CUZD1: variants seen among roughly 807,000 people sequenced by gnomAD.
CUZD1 encodes CUB and zona pellucida-like domain-containing protein 1.
In CUZD1, 42 loss-of-function variants were observed where a neutral mutation model predicts 53.1. That is an observed-to-expected ratio of 0.79 (90% confidence interval 0.62 to 1.02). CUZD1 has a LOEUF of 1.02. Ranked by LOEUF, CUZD1 falls within the 50% of genes least tolerant of loss-of-function variation. The probability of loss-of-function intolerance (pLI) is 0.00; values close to 1 mark genes in which losing one functional copy is unlikely to be tolerated. For missense variants in CUZD1, 670 were observed against 715.7 expected, an observed-to-expected ratio of 0.94 and a Z score of 0.73; for synonymous variants, 238 against 257.2, an observed-to-expected ratio of 0.93 and a Z score of 0.71.
In CUZD1 at chr10:122,832,185, C is replaced by T. The variant is rs1847171894; in HGVS notation, c.*93G>A. 2.3e-6 allele frequency: 3 copies of T among 1,311,888 alleles called. No homozygotes were observed. Among genetic ancestry groups the T allele is most frequent in the Non-Finnish European group, 3.2e-6 (3 of 929,532 alleles). The allele number at this position is 1,311,888 out of a possible 1,614,324, so 81.3% of individuals were successfully genotyped here. On this transcript the variant is annotated 3_prime_UTR_variant, in exon 9 of 9. Transcript: ENST00000392790. ...CAGGCCTGTGTGTCACTTTCAGGCC[C>T]TTCCTCATTTATTCATAATATGTGT...
chr10:122,841,494 C>G (rs981511975), intron 1 of CUZD1, among the ~76,000 whole-genome samples, 166 bp from the exon 2 acceptor site: 1 of 152,202 alleles, frequency 6.6e-6, no homozygotes, highest in African/African-American at 2.4e-5. Context: ...ATTTCTCCGT[C>G]TTGAACCCTT....
chr10:122,842,320 G>T (rs887066734), intron 1 of CUZD1, among the ~76,000 whole-genome samples: 1 of 152,254 alleles, frequency 6.6e-6, no homozygotes, highest in Non-Finnish European at 1.5e-5. Flanking sequence ...CTTAGGTTGA[G>T]TTCATTTTTT....
intron 4 of CUZD1, 49 bp from the exon 5 acceptor site, chr10:122,837,097 T>G: frequency 7.5e-7 from 1 of 1,328,066 alleles, no homozygotes; most frequent in Non-Finnish European, 1.0e-6. Flanking sequence ...CCAATTCAAT[T>G]CTATTTTCTA....
chr10:122,834,420 G>A (rs1039423551), intron 7 of CUZD1, among the ~76,000 whole-genome samples: 1 of 151,932 alleles, frequency 6.6e-6, no homozygotes, highest in Non-Finnish European at 1.5e-5. Context: ...AAACCAAAAC[G>A]CAAATAGAGC....
In CUZD1 at chr10:122,832,275, TA is replaced by T; in HGVS notation, c.*2del. 6.2e-7 allele frequency: 1 copy of T among 1,613,826 alleles called. No individual in the cohort carries two copies. Among genetic ancestry groups the T allele is most frequent in the East Asian group, 2.2e-5 (1 of 44,870 alleles). On this transcript the variant is annotated 3_prime_UTR_variant, in exon 9 of 9. Coordinates refer to ENST00000392790, the MANE Select transcript of CUZD1 (RefSeq NM_022034.6). ...ATGTCTCACTTAGGGTTGGACCTGT[TA>T]GTTAATAGTTCTGCAGCTTCTGGTA...
intron 6 of CUZD1, among the ~76,000 whole-genome samples, chr10:122,835,562 G>A (rs1016234427): frequency 7.9e-5 from 12 of 152,092 alleles, no homozygotes; most frequent in Admixed American, 1.3e-4. Flanking sequence ...GGCAAGATAC[G>A]ATGATTTACT....
Position 122,833,841 on chromosome 10 carries a change from C to T in CUZD1, c.1482G>A (p.Val494=), listed in dbSNP as rs1347800360. 1 of 1,614,074 alleles carries T rather than the reference C, an allele frequency of 6.2e-7. No individual in the cohort carries two copies. The highest frequency in any genetic ancestry group is 1.3e-5 in the African/African-American group (1 of 75,034). ...AFKFLRSMSS[V]YLQCKVLICD... ...ATATCAAAACTTTACACTGCAGATA[C>T]ACAGAGCTCATACTTCTCAAGAATT... Residue 494 remains valine (V), a synonymous_variant, in exon 8 of 9, where the codon GTG becomes GTA. Coordinates refer to ENST00000392790, the MANE Select transcript of CUZD1 (RefSeq NM_022034.6).
rs1847430798 is a variant in CUZD1, at chr10:122,845,800, A to G, written c.44T>C (p.Leu15Pro). 1 of 1,613,982 alleles carries G rather than the reference A, an allele frequency of 6.2e-7. No homozygotes were observed. Among genetic ancestry groups the G allele is most frequent in the African/African-American group, 1.3e-5 (1 of 74,922 alleles). The change falls in exon 1 of 9, where the codon CTC becomes CCC. Residue 15 changes from leucine (L) to proline (P), a missense_variant. Coordinates refer to ENST00000392790, the MANE Select transcript of CUZD1 (RefSeq NM_022034.6). ...RRLMPLTLLI[L>P]SCLAELTMAE... ...CATTGTCAGCTCCGCCAAACAGGAG[A>G]GAATTAAGAGGGTCAATGGCATGAG...
chr10:122,843,810 CAT>C (rs61634361), intron 1 of CUZD1, among the ~76,000 whole-genome samples: 2,342 of 137,206 alleles, frequency 0.017, 42 homozygotes, highest in Non-Finnish European at 0.02. Flanking sequence ...TATATACATA[CAT>C]ATATATATAT....
chr10:122,833,073 A>G (rs1412799879), intron 8 of CUZD1, among the ~76,000 whole-genome samples: 1 of 152,206 alleles, frequency 6.6e-6, no homozygotes, highest in Non-Finnish European at 1.5e-5. Context: ...CTTTAATGCC[A>G]TTTACAACTA....
intron 4 of CUZD1, 144 bp downstream of exon 4, chr10:122,837,260 T>A: frequency 1.1e-6 from 1 of 888,524 alleles, no homozygotes; most frequent in African/African-American, 1.7e-5. Flanking sequence ...AATGGAATAG[T>A]ATCACTGTTT....
chr10:122,837,071 GAA>G (rs769231583), intron 4 of CUZD1, 23 bp from the exon 5 acceptor site: 8 of 1,503,448 alleles, frequency 5.3e-6, no homozygotes, highest in Non-Finnish European at 3.7e-6. Context: ...GGCCTCTGGT[GAA>G]AAAGAGTTTC....
At position 122,837,471 on chromosome 10, in the gene CUZD1, C is replaced by T; in HGVS notation, c.532G>A (p.Ala178Thr). 6.2e-7 allele frequency: 1 copy of T among 1,613,380 alleles called. No homozygotes were observed. The highest frequency in any genetic ancestry group is 2.2e-5 in the East Asian group (1 of 44,846). ...ACTTGTATGTGCCACACACAATAAG[C>T]CAGCTCAGGATGCGGCTTTGGGTAA... ...PNYPKPHPEL[A>T]YCVWHIQVEK... Residue 178 changes from alanine (A) to threonine (T), a missense_variant, in exon 4 of 9, where the codon GCT (alanine) becomes ACT (threonine). By Grantham distance (58) the Ala-to-Thr change is moderately conservative. Transcript: ENST00000392790.
Position 122,833,704 on chromosome 10 carries a change from A to G in CUZD1, c.1619T>C (p.Leu540Pro), listed in dbSNP as rs1847195190. ...KTDSIIGPIR[L>P]KRDRSASGNS... ...GCCACTTGCACTTCGATCCCTTTTC[A>G]GACGAATGGGTCCTATGATGGAATC... Residue 540 changes from leucine to proline, a missense_variant, in exon 8 of 9, where the codon CTG becomes CCG. Leu to Pro is a moderately conservative substitution (Grantham distance 98). Coordinates refer to ENST00000392790, the MANE Select transcript of CUZD1 (RefSeq NM_022034.6). 1.2e-6 allele frequency: 2 copies of G among 1,613,830 alleles called. No individual in the cohort carries two copies. The highest frequency in any genetic ancestry group is 2.2e-5 in the East Asian group (1 of 44,870).
chr10:122,832,492 T>C, intron 8 of CUZD1, 42 bp from the exon 9 acceptor site: 1 of 1,588,972 alleles, frequency 6.3e-7, no homozygotes. Context: ...TTAAGAAGTG[T>C]TCACATTATA....
At chr10:122,839,678 T>C (rs1847306129) in intron 2 of CUZD1, among the ~76,000 whole-genome samples, 1 of 152,210 alleles carries the variant, frequency 6.6e-6, no homozygotes, top group Non-Finnish European at 1.5e-5. Context: ...CCTCCCTAGT[T>C]GCTCCTTCCT....
intron 8 of CUZD1, 81 bp downstream of exon 8, chr10:122,833,590 AC>A: frequency 7.2e-7 from 1 of 1,388,978 alleles, no homozygotes; most frequent in Non-Finnish European, 9.9e-7. Flanking sequence ...TCTAAACTGT[AC>A]ATGCTTAAGA....
chr10:122,844,294 C>A (rs532016238), intron 1 of CUZD1, among the ~76,000 whole-genome samples: 3 of 152,168 alleles, frequency 2.0e-5, no homozygotes, highest in East Asian at 3.9e-4. Flanking sequence ...TGTCAGCCCC[C>A]CAAAGTGCTG....
intron 2 of CUZD1, 74 bp from the exon 3 acceptor site, chr10:122,839,305 C>G: frequency 2.3e-6 from 3 of 1,280,920 alleles, no homozygotes; most frequent in Non-Finnish European, 3.4e-6. Context: ...CAATTGCTCA[C>G]CTAGGCATGT....
Sources: allele counts gnomAD v4.1 joint callset (sites outside exome capture counted in the v4.1 genomes callset), GRCh38; gene constraint gnomAD v4.1.1; transcripts MANE v1.5; gene names NCBI Gene and HGNC (gene_info 2026-07-23, HGNC 2026-07-21).